SDCCAG8: variants seen among roughly 807,000 people sequenced by gnomAD.
SDCCAG8 encodes serologically defined colon cancer antigen 8.
SDCCAG8 carries 74 observed loss-of-function variants against 101.8 expected under a neutral mutation model. The ratio of observed to expected loss-of-function variants is 0.73; its 90% CI spans 0.60 to 0.88. The LOEUF (loss-of-function observed/expected upper bound fraction) is 0.88, where lower values mean the gene tolerates loss of function less well. SDCCAG8 is among the 40% of genes least tolerant of loss of function. SDCCAG8 has a pLI of 0.00. For missense variants in SDCCAG8, 787 were observed against 822.6 expected, an observed-to-expected ratio of 0.96 and a Z score of 0.53; for synonymous variants, 281 against 292.9, an observed-to-expected ratio of 0.96 and a Z score of 0.41.
At chr1:243,470,624 C>T (rs1012162077) in intron 16 of SDCCAG8, among the ~76,000 whole-genome samples, 13 of 152,082 alleles carry the variant, frequency 8.5e-5, no homozygotes, top group East Asian at 1.9e-4. Flanking sequence ...AGCCCTGTGT[C>T]GGTGCCGACT....
chr1:243,465,949 C>T (rs1037248567), intron 16 of SDCCAG8, among the ~76,000 whole-genome samples: 5 of 152,128 alleles, frequency 3.3e-5, no homozygotes, highest in African/African-American at 9.7e-5. Context: ...GAGAAGATAC[C>T]GCTCATTTTT....
intron 10 of SDCCAG8, among the ~76,000 whole-genome samples, chr1:243,332,781 T>C (rs1558308732): frequency 6.6e-6 from 1 of 151,758 alleles, no homozygotes; most frequent in Non-Finnish European, 1.5e-5. Flanking sequence ...GAGGTGATTA[T>C]CGTGGTCCCG....
intron 5 of SDCCAG8, among the ~76,000 whole-genome samples, chr1:243,287,670 G>C (rs2069765623): frequency 6.6e-6 from 1 of 152,196 alleles, no homozygotes; most frequent in East Asian, 1.9e-4. Flanking sequence ...TGATTTTAAT[G>C]TCAATTTGAG....
intron 15 of SDCCAG8, among the ~76,000 whole-genome samples, chr1:243,419,362 G>A (rs2080829293): frequency 6.6e-6 from 1 of 152,134 alleles, no homozygotes; most frequent in Non-Finnish European, 1.5e-5. Flanking sequence ...TTCTTAACCA[G>A]AAATACTTGA....
intron 16 of SDCCAG8, among the ~76,000 whole-genome samples, chr1:243,450,016 G>A (rs951731398): frequency 3.9e-5 from 6 of 152,178 alleles, no homozygotes; most frequent in Non-Finnish European, 8.8e-5. Flanking sequence ...TAGGGGCAGG[G>A]TTAAAAACAT....
At chr1:243,303,546 G>C (rs1470881872) in intron 6 of SDCCAG8, among the ~76,000 whole-genome samples, 1 of 152,110 alleles carries the variant, frequency 6.6e-6, no homozygotes, top group East Asian at 1.9e-4. Flanking sequence ...TCAATGTGAA[G>C]ATGGTAGGGT....
intron 8 of SDCCAG8, among the ~76,000 whole-genome samples, chr1:243,308,490 T>C (rs1377421063): frequency 6.6e-6 from 1 of 152,242 alleles, no homozygotes; most frequent in African/African-American, 2.4e-5. Flanking sequence ...GTTCTATGAA[T>C]CTATGATTAC....
At chr1:243,468,668 C>CGG (rs2148183235) in intron 16 of SDCCAG8, among the ~76,000 whole-genome samples, 1 of 152,310 alleles carries the variant, frequency 6.6e-6, no homozygotes, top group African/African-American at 2.4e-5. Flanking sequence ...GCCTGCATGA[C>CGG]AGAGGAAGAC....
At chr1:243,311,391 T>C (rs1466033649) in intron 8 of SDCCAG8, among the ~76,000 whole-genome samples, 1 of 152,124 alleles carries the variant, frequency 6.6e-6, no homozygotes, top group African/African-American at 2.4e-5. Context: ...TCGAGGTTCA[T>C]AGATATGCAC....
intron 6 of SDCCAG8, among the ~76,000 whole-genome samples, chr1:243,298,459 G>C (rs1162839047): frequency 7.0e-6 from 1 of 143,436 alleles, no homozygotes; most frequent in Non-Finnish European, 1.5e-5. Flanking sequence ...CCGGGTTCAA[G>C]CGATTCTCCC....
intron 5 of SDCCAG8, among the ~76,000 whole-genome samples, chr1:243,287,231 CTTGTTCTGCTTT>C (rs1468332407): frequency 6.6e-6 from 1 of 152,212 alleles, no homozygotes; most frequent in Non-Finnish European, 1.5e-5. Context: ...ATAGTCACAG[CTTGTTCTGCTTT>C]TTGGGACAAA....
intron 17 of SDCCAG8, among the ~76,000 whole-genome samples, chr1:243,495,453 G>A (rs1040616181): frequency 2.6e-5 from 4 of 152,210 alleles, no homozygotes; most frequent in Non-Finnish European, 5.9e-5. Flanking sequence ...CGGTGTGGAG[G>A]CTGTTATCAG....
chr1:243,451,602 A>G (rs1042686454), intron 16 of SDCCAG8, among the ~76,000 whole-genome samples: 1 of 152,168 alleles, frequency 6.6e-6, no homozygotes, highest in African/African-American at 2.4e-5. Context: ...TTGTACACAC[A>G]TGCATACAGA....
intron 6 of SDCCAG8, among the ~76,000 whole-genome samples, chr1:243,293,715 G>A (rs571138399): frequency 2.0e-5 from 3 of 152,096 alleles, no homozygotes; most frequent in Non-Finnish European, 4.4e-5. Flanking sequence ...TCTATCTTTT[G>A]ACTGTTATGA....
chr1:243,433,795 G>C (rs183614026), intron 16 of SDCCAG8, among the ~76,000 whole-genome samples: 10 of 152,200 alleles, frequency 6.6e-5, no homozygotes, highest in Non-Finnish European at 1.2e-4. Context: ...CTCACCCCGA[G>C]TATAGGTGTT....
At chr1:243,324,356 C>T (rs1443264010) in intron 9 of SDCCAG8, among the ~76,000 whole-genome samples, 1 of 151,958 alleles carries the variant, frequency 6.6e-6, no homozygotes, top group African/African-American at 2.4e-5. Flanking sequence ...CATCAGTTCC[C>T]AAGGTCTTTC....
intron 9 of SDCCAG8, among the ~76,000 whole-genome samples, chr1:243,320,186 AG>A (rs2149336045): frequency 6.6e-6 from 1 of 152,312 alleles, no homozygotes; most frequent in Admixed American, 6.5e-5. Flanking sequence ...CCAGTCACTA[AG>A]TACAGATCTG....
chr1:243,276,660 C>A (rs2149271618), intron 4 of SDCCAG8, among the ~76,000 whole-genome samples: 1 of 152,194 alleles, frequency 6.6e-6, no homozygotes. Context: ...TTATCTAAGT[C>A]TCTCAGTTTG....
chr1:243,375,221 A>G (rs2077531151), intron 12 of SDCCAG8, among the ~76,000 whole-genome samples: 1 of 152,124 alleles, frequency 6.6e-6, no homozygotes, highest in African/African-American at 2.4e-5. Context: ...TAGCAGTATA[A>G]GTTTGTCTTT....
Sources: gnomAD v4.1 joint callset for allele counts (sites outside exome capture counted in the v4.1 genomes callset) on GRCh38, gnomAD v4.1.1 for gene constraint, MANE v1.5 for transcripts, NCBI Gene and HGNC (gene_info 2026-07-23, HGNC 2026-07-21) for gene names.